Variants in TNIK observed in about 807,000 individuals in gnomAD.
TNIK encodes TRAF2 and NCK-interacting protein kinase.
In TNIK, 49 loss-of-function variants were observed where a neutral mutation model predicts 191.3. That is an observed-to-expected ratio of 0.26 (90% confidence interval 0.20 to 0.32). The LOEUF is 0.32. Among genes scored for constraint, TNIK ranks in the 10% least tolerant of loss-of-function variants. The probability of loss-of-function intolerance (pLI) is 1.00; values close to 1 mark genes in which losing one functional copy is unlikely to be tolerated. For missense variants in TNIK, 1,155 were observed against 1,702.3 expected (o/e 0.68, Z 5.66); for synonymous variants, 594 against 600.9 (o/e 0.99, Z 0.17).
intron 1 of TNIK, among the ~76,000 whole-genome samples, chr3:171,386,706 A>T (rs559435283): frequency 6.6e-5 from 10 of 152,318 alleles, no homozygotes; most frequent in African/African-American, 2.4e-4. Context: ...ATAGATTTCA[A>T]GAAAAGTAAT....
chr3:171,263,959 A>G (rs1352032481), intron 2 of TNIK, among the ~76,000 whole-genome samples: 1 of 151,772 alleles, frequency 6.6e-6, no homozygotes, highest in Non-Finnish European at 1.5e-5. Context: ...TAGAGAGGTA[A>G]AAGCTGGGAC....
chr3:171,257,593 C>T (rs976679535), intron 2 of TNIK, among the ~76,000 whole-genome samples: 9 of 152,170 alleles, frequency 5.9e-5, no homozygotes, highest in South Asian at 2.1e-4. Context: ...AACATTCTAA[C>T]GTCAATAAAA....
intron 18 of TNIK, among the ~76,000 whole-genome samples, chr3:171,115,798 C>T (rs964535796): frequency 3.3e-5 from 5 of 152,180 alleles, no homozygotes; most frequent in African/African-American, 1.2e-4. Context: ...AGGAGAGAGG[C>T]AGGCAGACTA....
intron 3 of TNIK, among the ~76,000 whole-genome samples, chr3:171,216,813 C>T (rs529633587): frequency 2.0e-4 from 31 of 151,988 alleles, no homozygotes; most frequent in African/African-American, 7.5e-4. Context: ...TAAATAATTA[C>T]AATAGATTGT....
chr3:171,280,164 C>T (rs1750260981), intron 2 of TNIK, among the ~76,000 whole-genome samples: 1 of 152,176 alleles, frequency 6.6e-6, no homozygotes, highest in Non-Finnish European at 1.5e-5. Context: ...CATATCACAC[C>T]AGTCAATCTG....
intron 28 of TNIK, among the ~76,000 whole-genome samples, chr3:171,076,823 G>A (rs1489280403): frequency 6.6e-6 from 1 of 151,256 alleles, no homozygotes; most frequent in African/African-American, 2.4e-5. Context: ...GTTATTCCTT[G>A]ATTTTTTTTT....
intron 3 of TNIK, among the ~76,000 whole-genome samples, chr3:171,213,132 G>A (rs1399973292): frequency 6.6e-6 from 1 of 152,098 alleles, no homozygotes. Flanking sequence ...AGGTCGTGAA[G>A]AGAATGACCT....
At chr3:171,394,248 C>A (rs747243429) in intron 1 of TNIK, among the ~76,000 whole-genome samples, 35 of 152,314 alleles carry the variant, frequency 2.3e-4, no homozygotes, top group Middle Eastern at 3.4e-3. Flanking sequence ...CAGACCAACA[C>A]TGGCAGCTCA....
At chr3:171,187,792 A>C (rs1254460558) in intron 7 of TNIK, among the ~76,000 whole-genome samples, 1 of 152,176 alleles carries the variant, frequency 6.6e-6, no homozygotes, top group East Asian at 1.9e-4. Flanking sequence ...GAGGATCATT[A>C]AAGTGTTTTG....
chr3:171,300,015 C>T (rs949376994), intron 2 of TNIK, among the ~76,000 whole-genome samples: 17 of 152,266 alleles, frequency 1.1e-4, no homozygotes, highest in South Asian at 2.1e-4. Context: ...TTAATAAACA[C>T]GAATGGTACA....
intron 3 of TNIK, among the ~76,000 whole-genome samples, chr3:171,215,653 T>A (rs1346090564): frequency 6.6e-6 from 1 of 152,190 alleles, no homozygotes; most frequent in Non-Finnish European, 1.5e-5. Flanking sequence ...AAGAGAACCC[T>A]GACTTTGGTC....
chr3:171,343,172 T>A lies in TNIK; in HGVS notation c.123+26448A>T, dbSNP rs147007135. On this transcript the variant is annotated intron_variant, in intron 2 of 32. Coordinates refer to ENST00000436636, the MANE Select transcript of TNIK (RefSeq NM_015028.4). ...CCACTTCTTAGCTGTGGGCTGCACA[T>A]AGGGACCTGCCAAAGAATACAGCAT... Among the ~76,000 whole-genome samples, 46 of 152,260 alleles carry A rather than the reference T, an allele frequency of 3.0e-4. No individual in the cohort carries two copies. In the East Asian group the frequency reaches 7.7e-3, roughly 26 times the overall value.
intron 4 of TNIK, among the ~76,000 whole-genome samples, chr3:171,205,282 C>T (rs895120581): frequency 5.9e-5 from 9 of 152,200 alleles, no homozygotes; most frequent in South Asian, 2.1e-4. Flanking sequence ...AAAGAAATGA[C>T]GCTCTTGCCC....
At position 171,167,206 on chromosome 3, in the gene TNIK, T is replaced by G; in HGVS notation, c.838A>C (p.Thr280Pro). ...LVKNHSQRPA[T>P]EQLMKHPFIR... ...AATGGATGCTTCATCAATTGTTCTG[T>G]TGCTGGTCGCTGGCTGTGATTCTTT... Residue 280 changes from threonine to proline, a missense_variant, in exon 10 of 33, where the codon ACA becomes CCA. Transcript: ENST00000436636. 6.2e-7 allele frequency: 1 copy of G among 1,614,020 alleles called. No homozygotes were observed. The highest frequency in any genetic ancestry group is 8.5e-7 in the Non-Finnish European group (1 of 1,179,896).
chr3:171,125,472 T>G (rs1302297643), intron 17 of TNIK, among the ~76,000 whole-genome samples: 1 of 152,226 alleles, frequency 6.6e-6, no homozygotes, highest in African/African-American at 2.4e-5. Flanking sequence ...AGAACAATAC[T>G]ATCTTCTGAA....
At chr3:171,408,581 G>A (rs12631909) in intron 1 of TNIK, among the ~76,000 whole-genome samples, 91,639 of 152,054 alleles carry the variant, frequency 0.6, 28,634 homozygotes, top group Non-Finnish European at 0.65. Context: ...TGACTGCCTC[G>A]GCCATGTCAC....
intron 1 of TNIK, among the ~76,000 whole-genome samples, chr3:171,454,906 A>C (rs1728615521): frequency 6.6e-6 from 1 of 152,274 alleles, no homozygotes; most frequent in African/African-American, 2.4e-5. Flanking sequence ...GAAAAGATAA[A>C]ACTTTAGGAA....
intron 12 of TNIK, among the ~76,000 whole-genome samples, chr3:171,156,980 A>T (rs538629696): frequency 6.6e-6 from 1 of 152,360 alleles, no homozygotes; most frequent in South Asian, 2.1e-4. Context: ...ACAGATATTT[A>T]TGAGGCACCT....
chr3:171,240,494 G>GTGT (rs1194075666), intron 2 of TNIK, among the ~76,000 whole-genome samples: 2 of 152,112 alleles, frequency 1.3e-5, no homozygotes, highest in African/African-American at 4.8e-5. Flanking sequence ...TGGGTAAATG[G>GTGT]TGTTATCACA....
Sources: allele counts gnomAD v4.1 joint callset (sites outside exome capture counted in the v4.1 genomes callset), GRCh38; gene constraint gnomAD v4.1.1; transcripts MANE v1.5; gene names NCBI Gene and HGNC (gene_info 2026-07-23, HGNC 2026-07-21).